Variants in LRP6 observed in about 807,000 individuals in gnomAD.
LRP6 encodes the protein low-density lipoprotein receptor-related protein 6.
In LRP6, 43 loss-of-function variants were observed where a neutral mutation model predicts 184.1. The ratio of observed to expected loss-of-function variants is 0.23; its 90% CI spans 0.18 to 0.30. LRP6 has a LOEUF of 0.30. Ranked by LOEUF, LRP6 falls within the 10% of genes least tolerant of loss-of-function variation. The probability of loss-of-function intolerance (pLI) is 1.00; values close to 1 mark genes in which losing one functional copy is unlikely to be tolerated. For missense variants in LRP6, 1,571 were observed against 2,005.3 expected (o/e 0.78, Z 4.14); for synonymous variants, 719 against 684.9 (o/e 1.05, Z -0.78).
Position 12,203,224 on chromosome 12 carries a change from G to C in LRP6, c.626C>G (p.Ser209Ter), listed in dbSNP as rs776081614. The C allele has an allele frequency of 6.2e-7, 1 of 1,610,296 alleles. No homozygotes were observed. Among genetic ancestry groups the C allele is most frequent in the African/African-American group, 1.3e-5 (1 of 74,630 alleles). The change falls in exon 3 of 23, where the codon TCA (serine) becomes TGA (stop). Residue 209 changes from serine (S) to a stop codon, truncating the protein, a stop_gained. Transcript: ENST00000261349. LOFTEE classifies it high-confidence loss of function. ...TTACCGATTTGTTCCATCCAGATTT[G>C]ATTTGTGGATGAAATTAAGTTTTGC... The part of the protein sequence containing the change: ...ADAKLNFIHK[S>*]NLDGTNRQAV...
chr12:12,261,761 C>T (rs537231110), intron 1 of LRP6, among the ~76,000 whole-genome samples: 58 of 152,244 alleles, frequency 3.8e-4, no homozygotes, highest in African/African-American at 1.3e-3. Flanking sequence ...ACTTAATTCT[C>T]CTGATTGCCA....
At position 12,201,943 on chromosome 12, in the gene LRP6, T is replaced by C. The variant is rs377060261; in HGVS notation, c.647+1260A>G. On this transcript the variant is annotated intron_variant, in intron 3 of 22. Coordinates refer to ENST00000261349, the MANE Select transcript of LRP6 (RefSeq NM_002336.3). Reference sequence around the variant, plus strand: ...TTTCCTGGTTTTCAATACTTCTAAATGTTCCTTATTCTTAGTTCAGGTAAT... The same window carrying C: ...TTTCCTGGTTTTCAATACTTCTAAACGTTCCTTATTCTTAGTTCAGGTAAT... Among the ~76,000 whole-genome samples, 29 of 152,358 alleles carry C rather than the reference T, an allele frequency of 1.9e-4. No individual in the cohort carries two copies. The East Asian group carries it at 5.6e-3, about 29-fold the overall frequency.
At chr12:12,145,628 T>C (rs1223577703) in intron 15 of LRP6, among the ~76,000 whole-genome samples, 22 of 119,812 alleles carry the variant, frequency 1.8e-4, no homozygotes, top group Admixed American at 7.6e-4. Flanking sequence ...CTTTTTCTTT[T>C]TTTTTTTTTT....
intron 2 of LRP6, among the ~76,000 whole-genome samples, chr12:12,239,994 TAAAAA>T (rs201661075): frequency 3.6e-5 from 5 of 139,658 alleles, no homozygotes; most frequent in African/African-American, 1.3e-4. Context: ...GTTAAGATAT[TAAAAA>T]AAAAAAAACC....
intron 1 of LRP6, among the ~76,000 whole-genome samples, chr12:12,257,615 G>A (rs548953163): frequency 9.6e-4 from 137 of 143,258 alleles, no homozygotes; most frequent in African/African-American, 3.3e-3. Flanking sequence ...TTGATAGAAA[G>A]GGCTTAATGA....
chr12:12,200,294 A>G (rs912713653), intron 3 of LRP6, among the ~76,000 whole-genome samples: 1 of 152,216 alleles, frequency 6.6e-6, no homozygotes, highest in Non-Finnish European at 1.5e-5. Flanking sequence ...GCAGAAAGAA[A>G]AAAGAGATGT....
At chr12:12,135,046 G>T in intron 17 of LRP6, 129 bp downstream of exon 17, 1 of 1,303,646 alleles carries the variant, frequency 7.7e-7, no homozygotes, top group Non-Finnish European at 1.1e-6. Context: ...CAATACAAAT[G>T]AATGGAACAC....
intron 3 of LRP6, among the ~76,000 whole-genome samples, chr12:12,199,823 G>A (rs1863865003): frequency 6.6e-6 from 1 of 151,738 alleles, no homozygotes; most frequent in Non-Finnish European, 1.5e-5. Context: ...AACTAGATGG[G>A]CGTGGTGGTG....
chr12:12,185,257 T>A (rs1375958804), intron 4 of LRP6, among the ~76,000 whole-genome samples: 1 of 151,928 alleles, frequency 6.6e-6, no homozygotes, highest in Non-Finnish European at 1.5e-5. Context: ...CGTGATCACA[T>A]AAACGCACAA....
At chr12:12,188,231 A>T (rs1591928200) in intron 3 of LRP6, among the ~76,000 whole-genome samples, 1 of 152,102 alleles carries the variant, frequency 6.6e-6, no homozygotes, top group East Asian at 1.9e-4. Flanking sequence ...AAAGAAAAAA[A>T]AAAGAATAAG....
At chr12:12,195,169 T>A in intron 3 of LRP6, among the ~76,000 whole-genome samples, 1 of 152,218 alleles carries the variant, frequency 6.6e-6, no homozygotes, top group East Asian at 1.9e-4. Flanking sequence ...AACATAGGGG[T>A]GCAGATGTCT....
At chr12:12,146,827 G>A (rs1255030288) in intron 15 of LRP6, among the ~76,000 whole-genome samples, 1 of 152,172 alleles carries the variant, frequency 6.6e-6, no homozygotes, top group Non-Finnish European at 1.5e-5. Context: ...ACATAAACTA[G>A]AGCAGAAGAG....
chr12:12,258,873 G>T (rs995838399), intron 1 of LRP6, among the ~76,000 whole-genome samples: 1 of 152,120 alleles, frequency 6.6e-6, no homozygotes, highest in Admixed American at 6.5e-5. Flanking sequence ...ATAAAACAAT[G>T]ACTAAGACCA....
At chr12:12,160,392 T>C (rs1268217596) in intron 10 of LRP6, among the ~76,000 whole-genome samples, 1 of 152,248 alleles carries the variant, frequency 6.6e-6, no homozygotes, top group Non-Finnish European at 1.5e-5. Context: ...CTGAACTTAC[T>C]TTTTGACTTG....
chr12:12,120,075 T>A lies in LRP6; in HGVS notation c.*1051A>T, dbSNP rs1487728635. ...TTCGTACTGTGATATATGCTGAAAG[T>A]AGTGCAAGGATATGAGATTTACAAC... On this transcript the variant is annotated 3_prime_UTR_variant, in exon 23 of 23. Transcript: ENST00000261349. The A allele has an allele frequency of 7.6e-6, 1 of 131,754 alleles. No homozygotes were observed. The highest frequency in any genetic ancestry group is 8.2e-5 in the Admixed American group (1 of 12,152). 8.2% of individuals were successfully genotyped at this position (131,754 alleles called of 1,614,324 possible).
At chr12:12,134,871 CA>C (rs1303000058) in intron 17 of LRP6, among the ~76,000 whole-genome samples, 2 of 152,132 alleles carry the variant, frequency 1.3e-5, no homozygotes, top group African/African-American at 4.8e-5. Context: ...TGCAACAACA[CA>C]GATGAACCTG....
intron 2 of LRP6, among the ~76,000 whole-genome samples, chr12:12,205,325 CAAACAAAAA>C (rs1413685828): frequency 0.039 from 1,009 of 26,154 alleles, 3 homozygotes; most frequent in African/African-American, 0.091. Flanking sequence ...CTGTCTCAAA[CAAACAAAAA>C]AAAAAAAAAA....
chr12:12,123,762 T>C (rs890940853), intron 22 of LRP6, among the ~76,000 whole-genome samples: 1 of 152,232 alleles, frequency 6.6e-6, no homozygotes, highest in Non-Finnish European at 1.5e-5. Context: ...GGCTTACAAA[T>C]ACACTTTATT....
intron 1 of LRP6, 145 bp downstream of exon 1, chr12:12,266,536 T>C: frequency 6.9e-6 from 5 of 727,960 alleles, no homozygotes; most frequent in South Asian, 1.8e-5. Context: ...CCCGGGCCCC[T>C]TTCTCTCCCC....
Sources: gnomAD v4.1 joint callset for allele counts (sites outside exome capture counted in the v4.1 genomes callset) on GRCh38, gnomAD v4.1.1 for gene constraint, MANE v1.5 for transcripts, NCBI Gene and HGNC (gene_info 2026-07-23, HGNC 2026-07-21) for gene names.